Variants in ARHGAP26 observed in about 807,000 individuals in gnomAD.
ARHGAP26 encodes Rho GTPase activating protein 26, also known as rho GTPase-activating protein 26.
ARHGAP26 carries 38 observed loss-of-function variants against 104.8 expected under a neutral mutation model. The observed-to-expected ratio is 0.36, with a 90% CI of 0.28 to 0.48. ARHGAP26 has a LOEUF of 0.48. Among genes scored for constraint, ARHGAP26 ranks in the 20% least tolerant of loss-of-function variants. ARHGAP26 has a pLI of 0.99. For missense variants in ARHGAP26, 704 were observed against 947.9 expected (o/e 0.74, Z 3.38); for synonymous variants, 341 against 340.0 (o/e 1.00, Z -0.03).
At chr5:143,051,303 T>C (rs1784987172) in intron 14 of ARHGAP26, among the ~76,000 whole-genome samples, 1 of 152,238 alleles carries the variant, frequency 6.6e-6, no homozygotes, top group Non-Finnish European at 1.5e-5. Flanking sequence ...TAACCACTGC[T>C]TCCAGTCTGT....
At chr5:143,218,347 C>T (rs1198193089) in intron 22 of ARHGAP26, among the ~76,000 whole-genome samples, 1 of 152,252 alleles carries the variant, frequency 6.6e-6, no homozygotes, top group African/African-American at 2.4e-5. Context: ...TCCTGCCGAG[C>T]AAAATCTGGT....
intron 20 of ARHGAP26, among the ~76,000 whole-genome samples, chr5:143,172,300 T>TA (rs549334864): frequency 1.6e-4 from 23 of 145,728 alleles, no homozygotes; most frequent in South Asian, 4.3e-4. Context: ...TGTTACTCTT[T>TA]AAAAAAAAAA....
chr5:143,057,795 T>A (rs1276330147), intron 17 of ARHGAP26, 48 bp downstream of exon 17: 1 of 1,493,962 alleles, frequency 6.7e-7, no homozygotes, highest in East Asian at 2.3e-5. Flanking sequence ...CTGAAAGTTC[T>A]TATCTTAGCA....
intron 3 of ARHGAP26, among the ~76,000 whole-genome samples, chr5:142,877,700 A>G (rs1756331977): frequency 1.3e-5 from 2 of 152,230 alleles, no homozygotes; most frequent in South Asian, 4.1e-4. Flanking sequence ...ATTCTCAATC[A>G]TGGATGTCCA....
chr5:142,858,094 T>TGTGTGTGA (rs1424264346), intron 1 of ARHGAP26, among the ~76,000 whole-genome samples: 2,286 of 127,106 alleles, frequency 0.018, 29 homozygotes, highest in Middle Eastern at 0.02. Context: ...TGTGTGTGTG[T>TGTGTGTGA]GAGAGAGAGA....
intron 1 of ARHGAP26, among the ~76,000 whole-genome samples, chr5:142,789,730 C>T (rs761348267): frequency 6.6e-6 from 1 of 152,214 alleles, no homozygotes; most frequent in Non-Finnish European, 1.5e-5. Flanking sequence ...CATACACACT[C>T]CTGCCACTTA....
chr5:142,953,612 T>TA (rs1438856702), intron 11 of ARHGAP26, among the ~76,000 whole-genome samples: 1 of 152,220 alleles, frequency 6.6e-6, no homozygotes, highest in Admixed American at 6.5e-5. Context: ...CACTGCCTGT[T>TA]ACGCTGGTTC....
intron 17 of ARHGAP26, among the ~76,000 whole-genome samples, chr5:143,109,872 T>A (rs1020817067): frequency 2.6e-5 from 4 of 152,234 alleles, no homozygotes; most frequent in Non-Finnish European, 4.4e-5. Flanking sequence ...TAATTGCTTT[T>A]CATCTCACTC....
rs12513994 is a variant in ARHGAP26 at position 142,858,094 on chromosome 5, T to A, written c.155-15306T>A. ...GTGTGTGTGTGTGTGTGTGTGTGTGTGAGAGAGAGAGAGAGAGGGAGTGTG... is the reference window on the plus strand; with the variant it reads ...GTGTGTGTGTGTGTGTGTGTGTGTGAGAGAGAGAGAGAGAGAGGGAGTGTG... On this transcript the variant is annotated intron_variant, in intron 1 of 22. Transcript: ENST00000645722. Among the ~76,000 whole-genome samples, 2,637 of 127,168 alleles carry A rather than the reference T, an allele frequency of 0.021. 213 individuals carry two copies. The East Asian group carries it at 0.3, about 14-fold the overall frequency. The allele number at this position is 127,168 out of a possible 152,430, so 83.4% of individuals were successfully genotyped here.
chr5:142,843,642 T>C (rs924897809), intron 1 of ARHGAP26, among the ~76,000 whole-genome samples: 8 of 152,252 alleles, frequency 5.3e-5, no homozygotes, highest in African/African-American at 1.9e-4. Context: ...GGCGTGTTTT[T>C]TTTTGATGAT....
intron 1 of ARHGAP26, among the ~76,000 whole-genome samples, chr5:142,858,916 A>C (rs1752853781): frequency 6.6e-6 from 1 of 152,214 alleles, no homozygotes; most frequent in Admixed American, 6.5e-5. Flanking sequence ...TGTTTCAGAA[A>C]GAGGGCACAG....
At chr5:143,201,995 G>A (rs1386287393) in intron 20 of ARHGAP26, among the ~76,000 whole-genome samples, 5 of 152,172 alleles carry the variant, frequency 3.3e-5, no homozygotes, top group Non-Finnish European at 7.3e-5. Flanking sequence ...ATCTTGATCT[G>A]TCTAATATCT....
chr5:142,807,841 A>C (rs1763272377), intron 1 of ARHGAP26, among the ~76,000 whole-genome samples: 1 of 152,190 alleles, frequency 6.6e-6, no homozygotes, highest in Non-Finnish European at 1.5e-5. Flanking sequence ...GTCTTTATGC[A>C]GTTCTTACAG....
In ARHGAP26 at chr5:143,224,161, T is replaced by G. The variant is rs187486968; in HGVS notation, c.*1715T>G. Reference sequence around the variant, plus strand: ...AAATAGAGTGATTTGAAATACTATATGGCAAAGTTTTATATTTGATATTCT... The same window carrying G: ...AAATAGAGTGATTTGAAATACTATAGGGCAAAGTTTTATATTTGATATTCT... On this transcript the variant is annotated 3_prime_UTR_variant, in exon 23 of 23. Coordinates refer to ENST00000645722, the MANE Select transcript of ARHGAP26 (RefSeq NM_001135608.3). 1 of 230,376 alleles carries G rather than the reference T, an allele frequency of 4.3e-6. No individual in the cohort carries two copies. Among genetic ancestry groups the G allele is most frequent in the Non-Finnish European group, 8.6e-6 (1 of 116,034 alleles). The allele number at this position is 230,376 out of a possible 1,614,324, so 14.3% of individuals were successfully genotyped here.
At chr5:142,837,184 G>A (rs547989731) in intron 1 of ARHGAP26, among the ~76,000 whole-genome samples, 2 of 152,244 alleles carry the variant, frequency 1.3e-5, no homozygotes, top group African/African-American at 4.8e-5. Context: ...GAAGGCCTGG[G>A]ATTAGGTTCC....
At chr5:143,046,761 CT>C (rs1373109544) in intron 14 of ARHGAP26, among the ~76,000 whole-genome samples, 1 of 152,206 alleles carries the variant, frequency 6.6e-6, no homozygotes, top group Non-Finnish European at 1.5e-5. Flanking sequence ...GTCTATCTCT[CT>C]TCCTGTCTCT....
At chr5:143,151,489 T>A (rs1799834156) in intron 20 of ARHGAP26, among the ~76,000 whole-genome samples, 1 of 152,256 alleles carries the variant, frequency 6.6e-6, no homozygotes, top group Admixed American at 6.5e-5. Context: ...TTAGAAGCTT[T>A]ATTTATAATT....
chr5:143,083,490 T>G (rs1405134612), intron 17 of ARHGAP26, among the ~76,000 whole-genome samples: 1 of 152,122 alleles, frequency 6.6e-6, no homozygotes, highest in Non-Finnish European at 1.5e-5. Flanking sequence ...TGTTTAAGCT[T>G]TTTTACTTCT....
intron 20 of ARHGAP26, among the ~76,000 whole-genome samples, chr5:143,206,415 A>G (rs1808555872): frequency 1.3e-5 from 2 of 152,246 alleles, no homozygotes; most frequent in Admixed American, 6.5e-5. Context: ...GAGTAATTTC[A>G]ACCTTTCCTC....
Sources: allele counts gnomAD v4.1 joint callset (sites outside exome capture counted in the v4.1 genomes callset), GRCh38; gene constraint gnomAD v4.1.1; transcripts MANE v1.5; gene names NCBI Gene and HGNC (gene_info 2026-07-23, HGNC 2026-07-21).